Variants in NATD1 observed in about 807,000 individuals in gnomAD.
NATD1 encodes the protein N-acetyltransferase domain containing 1.
Under a neutral mutation model 12.0 loss-of-function variants are expected in NATD1, and 9 were observed. That is an observed-to-expected ratio of 0.75 (90% CI 0.45 to 1.30). The LOEUF (loss-of-function observed/expected upper bound fraction) is 1.30. NATD1 is among the 50% of genes most tolerant of loss of function. The pLI, the probability that NATD1 is intolerant of heterozygous loss-of-function variation, is 0.00. For missense variants in NATD1, 148 were observed against 148.5 expected, an observed-to-expected ratio of 1.00 and a Z score of 0.02; for synonymous variants, 71 against 65.9, an observed-to-expected ratio of 1.08 and a Z score of -0.37.
intron 1 of NATD1, among the ~76,000 whole-genome samples, chr17:21,252,444 C>T (rs12953029): frequency 0.23 from 35,648 of 152,166 alleles, 4,551 homozygotes; most frequent in Non-Finnish European, 0.3. Context: ...TTGTTACAGT[C>T]TTTCATCCTT....
intron 1 of NATD1, among the ~76,000 whole-genome samples, chr17:21,250,005 T>C (rs925662042): frequency 1.3e-5 from 2 of 152,234 alleles, no homozygotes; most frequent in African/African-American, 2.4e-5. Flanking sequence ...CCACGCCTGT[T>C]TGCAGTGCCT....
chr17:21,252,583 C>T lies in NATD1; in HGVS notation c.106+576G>A, dbSNP rs143466335. On this transcript the variant is annotated intron_variant, in intron 1 of 2. Transcript: ENST00000611551. ...GTCTTGATAGTGATAGCCATCCCCC[C>T]GCCCCTCACTCCCCCCAGGGGACCA... is the stretch of plus-strand genomic sequence containing the variant. 6.9e-3 allele frequency among the ~76,000 whole-genome samples: 1,058 copies of T among 152,276 alleles called. 10 individuals carry two copies. The highest frequency in any genetic ancestry group is 0.024 in the African/African-American group (1,017 of 41,568).
At position 21,241,530 on chromosome 17, in the gene NATD1, ACCT is replaced by A. The variant is rs1975273004; in HGVS notation, c.*1780_*1782del. The stretch of plus-strand genomic sequence containing the variant: ...CCCTAGCCCCGGAGCAGCTCAGCCC[ACCT>A]CCTGCCAGCTGCATCTCCCTGGAGG... On this transcript the variant is annotated 3_prime_UTR_variant, in exon 3 of 3. Transcript: ENST00000611551. The A allele has an allele frequency of 6.6e-6, 1 of 152,382 alleles. No individual in the cohort carries two copies. The highest frequency in any genetic ancestry group is 6.5e-5 in the Admixed American group (1 of 15,280). 9.4% of individuals were successfully genotyped at this position (152,382 alleles called of 1,614,324 possible). A position where few individuals can be genotyped will look rare whatever the true frequency, so the allele number is the denominator to read the frequency against.
At position 21,253,312 on chromosome 17, in the gene NATD1, G is replaced by A. The variant is rs1192832502; in HGVS notation, c.-48C>T. On this transcript the variant is annotated 5_prime_UTR_variant, in exon 1 of 3. Transcript: ENST00000611551. Reference sequence around the variant, plus strand: ...GCGCCGGCGGGGGCCGGGGCGCGCGGGGAAAGGTCAGGCGCGCGGCGGGGC... The same window carrying A: ...GCGCCGGCGGGGGCCGGGGCGCGCGAGGAAAGGTCAGGCGCGCGGCGGGGC... 3.5e-6 allele frequency: 3 copies of A among 865,042 alleles called. No homozygotes were observed. The highest frequency in any genetic ancestry group is 5.1e-5 in the South Asian group (1 of 19,730). 53.6% of individuals were successfully genotyped at this position (865,042 alleles called of 1,614,324 possible). A position where few individuals can be genotyped will look rare whatever the true frequency, so the allele number is the denominator to read the frequency against.
rs6902 is a variant in NATD1 at position 21,239,259 on chromosome 17, A to C, written c.*4054T>G. On this transcript the variant is annotated 3_prime_UTR_variant, in exon 3 of 3. Coordinates refer to ENST00000611551, the MANE Select transcript of NATD1 (RefSeq NM_152914.3). ...GGACCCCCCCGCAGCCTTGCAGCTG[A>C]GTGGGAAGTTGCTGGAAGTTGTATC... 0.32 allele frequency: 47,983 copies of C among 151,972 alleles called. 7,947 individuals carry two copies. The highest frequency in any genetic ancestry group is 0.39 in the Middle Eastern group (114 of 294). The allele number at this position is 151,972 out of a possible 1,614,324, so 9.4% of individuals were successfully genotyped here.
At chr17:21,246,512 C>T (rs1371673645) in intron 1 of NATD1, among the ~76,000 whole-genome samples, 1 of 141,572 alleles carries the variant, frequency 7.1e-6, no homozygotes, top group Non-Finnish European at 1.5e-5. Context: ...AAAACTCCAT[C>T]TCAAAAAAAA....
In NATD1 at chr17:21,242,635, C is replaced by G. The variant is rs1170631798; in HGVS notation, c.*678G>C. On this transcript the variant is annotated 3_prime_UTR_variant, in exon 3 of 3. Transcript: ENST00000611551. Reference sequence around the variant, plus strand: ...GAGGCCAAAAAAAAGATGGGGGTACCAAGGAGAGGAAAACACCCCCGGCAC... The same window carrying G: ...GAGGCCAAAAAAAAGATGGGGGTACGAAGGAGAGGAAAACACCCCCGGCAC... 6.5e-6 allele frequency: 1 copy of G among 153,060 alleles called. No individual in the cohort carries two copies. The highest frequency in any genetic ancestry group is 1.5e-5 in the Non-Finnish European group (1 of 68,760). The allele number at this position is 153,060 out of a possible 1,614,324, so 9.5% of individuals were successfully genotyped here. A position where few individuals can be genotyped will look rare whatever the true frequency, so the allele number is the denominator to read the frequency against.
At chr17:21,245,962 GGCTCCCCACCT>G (rs1409155735) in intron 1 of NATD1, among the ~76,000 whole-genome samples, 3 of 152,234 alleles carry the variant, frequency 2.0e-5, no homozygotes, top group Non-Finnish European at 2.9e-5. Context: ...TGTGGTTCTT[GGCTCCCCACCT>G]GCTGGGGTTA....
At chr17:21,246,829 G>A (rs765970456) in intron 1 of NATD1, among the ~76,000 whole-genome samples, 26 of 152,330 alleles carry the variant, frequency 1.7e-4, no homozygotes, top group Non-Finnish European at 2.6e-4. Context: ...GACATGTGGG[G>A]TATGAGCCGC....
chr17:21,250,335 G>A (rs1975363607), intron 1 of NATD1, among the ~76,000 whole-genome samples: 1 of 152,158 alleles, frequency 6.6e-6, no homozygotes, highest in South Asian at 2.1e-4. Context: ...TCACTTAAAT[G>A]CCACCCTCCA....
intron 1 of NATD1, among the ~76,000 whole-genome samples, chr17:21,246,727 A>C (rs1975328359): frequency 6.6e-6 from 1 of 151,856 alleles, no homozygotes; most frequent in South Asian, 2.1e-4. Flanking sequence ...ACAGGTGATA[A>C]GCTGACAGGT....
At position 21,242,834 on chromosome 17, in the gene NATD1, C is replaced by G. The variant is rs1355940109; in HGVS notation, c.*479G>C. 6.3e-6 allele frequency: 1 copy of G among 158,070 alleles called. No homozygotes were observed. Among genetic ancestry groups the G allele is most frequent in the Non-Finnish European group, 1.4e-5 (1 of 71,180 alleles). 9.8% of individuals were successfully genotyped at this position (158,070 alleles called of 1,614,324 possible). A position where few individuals can be genotyped will look rare whatever the true frequency, so the allele number is the denominator to read the frequency against. ...ATGGGGGTCTGAGAAAGGGGCAGCA[C>G]CGCTGGCAGGTGGGGTCTGGCACTG... On this transcript the variant is annotated 3_prime_UTR_variant, in exon 3 of 3. Transcript: ENST00000611551.
intron 2 of NATD1, among the ~76,000 whole-genome samples, chr17:21,243,733 T>C (rs533877208): frequency 1.3e-5 from 2 of 152,252 alleles, no homozygotes; most frequent in South Asian, 4.1e-4. Context: ...ACGGCCCAGC[T>C]AAGTCCCAGC....
Position 21,246,383 on chromosome 17 carries a change from G to A in NATD1, c.107-2159C>T, listed in dbSNP as rs187921122. On this transcript the variant is annotated intron_variant, in intron 1 of 2. Coordinates refer to ENST00000611551, the MANE Select transcript of NATD1 (RefSeq NM_152914.3). ...ACAAAAATTAGCCAGAAATGGTAGC[G>A]GGTGCTTGTAATCCCAGCTACTTGG... 9.9e-5 allele frequency among the ~76,000 whole-genome samples: 15 copies of A among 152,070 alleles called. No individual in the cohort carries two copies. The East Asian group carries it at 2.5e-3, about 25-fold the overall frequency.
chr17:21,250,073 T>C (rs2144367979), intron 1 of NATD1, among the ~76,000 whole-genome samples: 1 of 152,308 alleles, frequency 6.6e-6, no homozygotes, highest in African/African-American at 2.4e-5. Flanking sequence ...TTGCTCCCCT[T>C]AGAGCAGCAG....
Position 21,242,154 on chromosome 17 carries a change from T to A in NATD1, c.*1159A>T, listed in dbSNP as rs1454494280. ...AGGGCAGGGACGAATCTGATCCTTG[T>A]TAGCACTGACACAAGAGGGCGGGAC... On this transcript the variant is annotated 3_prime_UTR_variant, in exon 3 of 3. Coordinates refer to ENST00000611551, the MANE Select transcript of NATD1 (RefSeq NM_152914.3). 2.0e-5 allele frequency: 3 copies of A among 152,264 alleles called. No individual in the cohort carries two copies. The East Asian group carries it at 5.8e-4, about 29-fold the overall frequency. 9.4% of individuals were successfully genotyped at this position (152,264 alleles called of 1,614,324 possible). A position where few individuals can be genotyped will look rare whatever the true frequency, so the allele number is the denominator to read the frequency against.
At position 21,239,508 on chromosome 17, in the gene NATD1, G is replaced by C. The variant is rs540171932; in HGVS notation, c.*3805C>G. 1 of 152,318 alleles carries C rather than the reference G, an allele frequency of 6.6e-6. No individual in the cohort carries two copies. Among genetic ancestry groups the C allele is most frequent in the Non-Finnish European group, 1.5e-5 (1 of 68,106 alleles). The allele number at this position is 152,318 out of a possible 1,614,324, so 9.4% of individuals were successfully genotyped here. ...ACGAAGTGGAGTAAGATTGCAACGG[G>C]GCCTGGTGAGGTGGCTCACGCCTGT... is the stretch of plus-strand genomic sequence containing the variant. On this transcript the variant is annotated 3_prime_UTR_variant, in exon 3 of 3. Coordinates refer to ENST00000611551, the MANE Select transcript of NATD1 (RefSeq NM_152914.3).
intron 1 of NATD1, among the ~76,000 whole-genome samples, chr17:21,252,140 G>A (rs762328055): frequency 6.6e-6 from 1 of 152,138 alleles, no homozygotes; most frequent in Non-Finnish European, 1.5e-5. Context: ...GTGAAAGCCT[G>A]TCTCTAATAC....
At chr17:21,249,623 T>C (rs1372408773) in intron 1 of NATD1, among the ~76,000 whole-genome samples, 1 of 152,150 alleles carries the variant, frequency 6.6e-6, no homozygotes, top group Admixed American at 6.5e-5. Flanking sequence ...AAATGGGGGT[T>C]AGGGAGGACG....
Sources: gnomAD v4.1 joint callset for allele counts (sites outside exome capture counted in the v4.1 genomes callset) on GRCh38, gnomAD v4.1.1 for gene constraint, MANE v1.5 for transcripts, NCBI Gene and HGNC (gene_info 2026-07-23, HGNC 2026-07-21) for gene names.